DHX29: variants seen among roughly 807,000 people sequenced by gnomAD.
The protein encoded by DHX29 is ATP-dependent RNA helicase DHX29.
In DHX29, 79 loss-of-function variants were observed where a neutral mutation model predicts 167.9. The ratio of observed to expected loss-of-function variants is 0.47; its 90% confidence interval spans 0.39 to 0.57. The LOEUF is 0.57. DHX29 is among the 20% of genes least tolerant of loss of function. The pLI is 0.00. For missense variants in DHX29, 1,347 were observed against 1,593.4 expected (o/e 0.85, Z 2.63); for synonymous variants, 530 against 546.0 (o/e 0.97, Z 0.41).
intron 1 of DHX29, among the ~76,000 whole-genome samples, chr5:55,299,249 CAT>C (rs1246045337): frequency 6.6e-6 from 1 of 152,142 alleles, no homozygotes; most frequent in Non-Finnish European, 1.5e-5. Flanking sequence ...TCTTTATCCT[CAT>C]ATCTTTTAGT....
chr5:55,296,276 AAG>A lies in DHX29; in HGVS notation c.447_448del (p.Leu150IlefsTer4). On this transcript the variant is annotated frameshift_variant, in exon 4 of 27. Transcript: ENST00000251636. LOFTEE classifies it high-confidence loss of function. Reference sequence around the variant, plus strand: ...GGCAGAATGAAGGTCACCTCCATATAAGAGTGTATTGGTCATGGCATCTTCAA... The same window carrying A: ...GGCAGAATGAAGGTCACCTCCATATAAGTGTATTGGTCATGGCATCTTCAA... The A allele has an allele frequency of 6.2e-7, 1 of 1,613,700 alleles. No individual in the cohort carries two copies. The highest frequency in any genetic ancestry group is 8.5e-7 in the Non-Finnish European group (1 of 1,179,742).
chr5:55,291,358 C>A (rs1181776677), intron 6 of DHX29, among the ~76,000 whole-genome samples: 1 of 152,162 alleles, frequency 6.6e-6, no homozygotes, highest in African/African-American at 2.4e-5. Flanking sequence ...AATTTTGGTA[C>A]CATTTTGTGT....
Position 55,256,293 on chromosome 5 carries a change from GAAT to G in DHX29, c.*192_*194del, listed in dbSNP as rs1204309257. 4 of 421,168 alleles carry G rather than the reference GAAT, an allele frequency of 9.5e-6. No individual in the cohort carries two copies. The highest frequency in any genetic ancestry group is 4.3e-5 in the Admixed American group (1 of 23,144). The allele number at this position is 421,168 out of a possible 1,614,324, so 26.1% of individuals were successfully genotyped here. A position where few individuals can be genotyped will look rare whatever the true frequency, so the allele number is the denominator to read the frequency against. On this transcript the variant is annotated 3_prime_UTR_variant, in exon 27 of 27. Transcript: ENST00000251636. Reference sequence around the variant, plus strand: ...GTAAATGTAGTGGCAAATACATTCAGAATAATCATCATTAAAAAGGAACTAGAA... The same window carrying G: ...GTAAATGTAGTGGCAAATACATTCAGAATCATCATTAAAAAGGAACTAGAA...
intron 16 of DHX29, 197 bp from the exon 17 acceptor site, chr5:55,273,574 G>A (rs556902825): frequency 1.0e-4 from 62 of 593,118 alleles, no homozygotes; most frequent in African/African-American, 4.5e-4. Flanking sequence ...CAAATTATGC[G>A]AATAGGATTA....
intron 6 of DHX29, among the ~76,000 whole-genome samples, chr5:55,292,241 T>C (rs933541737): frequency 1.3e-5 from 2 of 152,192 alleles, no homozygotes; most frequent in African/African-American, 4.8e-5. Flanking sequence ...TGGTATGCCA[T>C]TGTGGTTTTG....
chr5:55,282,318 A>G (rs1747471641), intron 11 of DHX29, among the ~76,000 whole-genome samples: 1 of 152,232 alleles, frequency 6.6e-6, no homozygotes, highest in African/African-American at 2.4e-5. Flanking sequence ...AGCTAGTATC[A>G]TACTAGGAGT....
intron 10 of DHX29, among the ~76,000 whole-genome samples, chr5:55,284,809 G>C (rs922961281): frequency 6.6e-6 from 1 of 152,072 alleles, no homozygotes; most frequent in African/African-American, 2.4e-5. Flanking sequence ...TAACATTAAA[G>C]GAAAACAAAC....
chr5:55,277,779 A>G (rs1050150267), intron 12 of DHX29, among the ~76,000 whole-genome samples: 2 of 151,746 alleles, frequency 1.3e-5, no homozygotes, highest in Non-Finnish European at 2.9e-5. Context: ...GGTGGTGTGC[A>G]CCTGTAATCC....
At chr5:55,275,767 ATGTATGTG>A (rs1025295388) in intron 14 of DHX29, among the ~76,000 whole-genome samples, 9 of 150,856 alleles carry the variant, frequency 6.0e-5, no homozygotes, top group African/African-American at 1.7e-4. Flanking sequence ...GTATGTATGT[ATGTATGTG>A]TGTGTGTCTG....
rs117115643 is a variant in DHX29, at chr5:55,292,831, A to C, written c.780+1186T>G. The stretch of plus-strand genomic sequence containing the variant: ...TTCTTTGCCTGTCTGAACTCTGTGC[A>C]TCCTTTAGGTCCCATCTCTTTGAAG... On this transcript the variant is annotated intron_variant, in intron 6 of 26. Coordinates refer to ENST00000251636, the MANE Select transcript of DHX29 (RefSeq NM_019030.4). Among the ~76,000 whole-genome samples, 17 of 152,254 alleles carry C rather than the reference A, an allele frequency of 1.1e-4. No individual in the cohort carries two copies. The East Asian group carries it at 3.3e-3, about 29-fold the overall frequency.
At chr5:55,274,016 G>A (rs1416083267) in intron 16 of DHX29, among the ~76,000 whole-genome samples, 3 of 151,638 alleles carry the variant, frequency 2.0e-5, no homozygotes, top group Non-Finnish European at 4.4e-5. Context: ...TGAACCCGGA[G>A]GCAGAGGTTG....
rs1252185227 is a variant in DHX29 at position 55,273,301 on chromosome 5, C to T, written c.2767G>A (p.Val923Ile). 3.1e-6 allele frequency: 5 copies of T among 1,596,180 alleles called. No individual in the cohort carries two copies. The highest frequency in any genetic ancestry group is 3.4e-5 in the Admixed American group (2 of 58,452). ...GCTGTACTAAATTTTACCTTCCTGACTCCTGGAGGGGGAAGTGTGAATGCT... is the reference window on the plus strand; with the variant it reads ...GCTGTACTAAATTTTACCTTCCTGATTCCTGGAGGGGGAAGTGTGAATGCT... ...AAAFTLPPPG[V>I]RKIVLATNIA... Residue 923 changes from valine to isoleucine, a missense_variant, in exon 17 of 27, where the codon GTC (valine) becomes ATC (isoleucine). Val to Ile is a conservative substitution (Grantham distance 29). Transcript: ENST00000251636.
chr5:55,285,491 C>T (rs2111906022), intron 9 of DHX29, 75 bp from the exon 10 acceptor site: 3 of 1,411,788 alleles, frequency 2.1e-6, no homozygotes, highest in Admixed American at 4.7e-5. Context: ...ATTCCATTAA[C>T]ATTAAACTCA....
Position 55,297,323 on chromosome 5 carries a change from C to A in DHX29, c.337G>T (p.Gly113Ter). The change falls in exon 3 of 27, where the codon GGA (glycine) becomes TGA (stop). Residue 113 changes from glycine (G) to a stop codon, truncating the protein, a stop_gained. Coordinates refer to ENST00000251636, the MANE Select transcript of DHX29 (RefSeq NM_019030.4). LOFTEE classifies it high-confidence loss of function. Reference protein sequence around the residue: ...NEHKKQNNDKGMISGRLTAKK... With the variant: ...NEHKKQNNDK ...GCAGTAAGTCTTCCAGAAATCATTCCTTTGTCATTATTTTGCTTTTTATGC... is the reference window on the plus strand; with the variant it reads ...GCAGTAAGTCTTCCAGAAATCATTCATTTGTCATTATTTTGCTTTTTATGC... The A allele has an allele frequency of 6.3e-7, 1 of 1,598,814 alleles. No individual in the cohort carries two copies. The highest frequency in any genetic ancestry group is 8.6e-7 in the Non-Finnish European group (1 of 1,168,110).
chr5:55,283,616 CAG>C lies in DHX29; in HGVS notation c.1550_1551del (p.Ser517Ter). ...TTTTCCCAAGATTCCTCGGGATCTT[CAG>C]AGTTTTCTCTCTTATTTTCAGAATG... Reference protein sequence around the residue: ...QQHSENKRENSEDPEESWENL... With the variant: ...QQHSENKRENXEDPEESWENL... On this transcript the variant is annotated frameshift_variant, in exon 11 of 27. Transcript: ENST00000251636. LOFTEE classifies it high-confidence loss of function. 6.2e-7 allele frequency: 1 copy of C among 1,614,064 alleles called. No individual in the cohort carries two copies. Among genetic ancestry groups the C allele is most frequent in the Non-Finnish European group, 8.5e-7 (1 of 1,180,000 alleles).
chr5:55,303,885 CT>C (rs1277226015), intron 1 of DHX29, among the ~76,000 whole-genome samples: 1 of 151,952 alleles, frequency 6.6e-6, no homozygotes, highest in Non-Finnish European at 1.5e-5. Flanking sequence ...TTTAGTGACC[CT>C]AAAAAAAAAT....
intron 4 of DHX29, among the ~76,000 whole-genome samples, 164 bp downstream of exon 4, chr5:55,296,056 C>T (rs918179004): frequency 2.0e-5 from 3 of 152,156 alleles, no homozygotes; most frequent in African/African-American, 7.2e-5. Flanking sequence ...GCATAGGCCA[C>T]AATCTCTAAG....
intron 5 of DHX29, chr5:55,294,707 T>C (rs925914535): frequency 2.0e-5 from 3 of 152,688 alleles, no homozygotes; most frequent in African/African-American, 7.2e-5. Flanking sequence ...AAACTAGTGT[T>C]ATTCCTTAAA....
At chr5:55,300,063 C>T (rs552581835) in intron 1 of DHX29, among the ~76,000 whole-genome samples, 3 of 152,280 alleles carry the variant, frequency 2.0e-5, no homozygotes, top group East Asian at 3.9e-4. Flanking sequence ...AATTTTAAAA[C>T]ATTCATTCAC....
Sources: allele counts gnomAD v4.1 joint callset (sites outside exome capture counted in the v4.1 genomes callset), GRCh38; gene constraint gnomAD v4.1.1; transcripts MANE v1.5; gene names NCBI Gene and HGNC (gene_info 2026-07-23, HGNC 2026-07-21).